The following OPCML variants were observed in gnomAD, a reference collection of about 807,000 sequenced individuals.
OPCML encodes the protein opioid-binding protein/cell adhesion molecule.
In OPCML, 13 loss-of-function variants were observed where a neutral mutation model predicts 37.8. The observed-to-expected ratio is 0.34, with a 90% CI of 0.22 to 0.55. The LOEUF (loss-of-function observed/expected upper bound fraction) is 0.55. Among genes scored for constraint, OPCML ranks in the 20% least tolerant of loss-of-function variants. The pLI is 0.91. For missense variants in OPCML, 341 were observed against 435.6 expected (o/e 0.78, Z 1.93); for synonymous variants, 176 against 168.8 (o/e 1.04, Z -0.33).
At chr11:132,963,973 G>T (rs1330362092) in intron 1 of OPCML, among the ~76,000 whole-genome samples, 1 of 152,140 alleles carries the variant, frequency 6.6e-6, no homozygotes. Flanking sequence ...TCAGGTGAGT[G>T]AATGTATACG....
intron 1 of OPCML, among the ~76,000 whole-genome samples, chr11:133,440,858 G>C (rs1291560748): frequency 2.0e-5 from 3 of 147,336 alleles, no homozygotes; most frequent in African/African-American, 7.5e-5. Context: ...ATTTCTATTA[G>C]AGCTTGGAGC....
At chr11:133,251,020 C>T (rs140961421) in intron 1 of OPCML, among the ~76,000 whole-genome samples, 1,879 of 152,154 alleles carry the variant, frequency 0.012, 22 homozygotes, top group South Asian at 0.028. Context: ...GGGGAGAAGA[C>T]GTTCATTAGA....
At chr11:132,727,839 A>G (rs753933985) in intron 2 of OPCML, among the ~76,000 whole-genome samples, 1 of 152,220 alleles carries the variant, frequency 6.6e-6, no homozygotes, top group Non-Finnish European at 1.5e-5. Context: ...AAAGAAAGCT[A>G]GGTGTAATAT....
chr11:133,457,252 G>A (rs1024556744), intron 1 of OPCML, among the ~76,000 whole-genome samples: 16 of 152,118 alleles, frequency 1.1e-4, no homozygotes, highest in African/African-American at 3.9e-4. Context: ...AAGAATCTAG[G>A]TTGGGTACAG....
intron 1 of OPCML, among the ~76,000 whole-genome samples, chr11:133,154,804 G>A (rs938654277): frequency 2.0e-5 from 3 of 152,164 alleles, no homozygotes; most frequent in Non-Finnish European, 2.9e-5. Flanking sequence ...GAAGAATAGC[G>A]AGGAGGATAG....
intron 1 of OPCML, among the ~76,000 whole-genome samples, chr11:133,375,227 G>A (rs1191058902): frequency 6.6e-6 from 1 of 152,146 alleles, no homozygotes; most frequent in Non-Finnish European, 1.5e-5. Context: ...AACACTTAGC[G>A]AGCACGCATG....
intron 3 of OPCML, among the ~76,000 whole-genome samples, chr11:132,608,601 G>T (rs541932827): frequency 2.0e-5 from 3 of 151,868 alleles, no homozygotes; most frequent in African/African-American, 7.2e-5. Flanking sequence ...TTGTGGAAGA[G>T]AATTAATAAA....
intron 2 of OPCML, among the ~76,000 whole-genome samples, chr11:132,785,474 A>C (rs897290837): frequency 1.3e-5 from 2 of 152,392 alleles, no homozygotes; most frequent in Middle Eastern, 3.4e-3. Flanking sequence ...TAAATGTTGC[A>C]GAAATATTTC....
chr11:133,377,612 G>GAAAAAAAAAAAGAAAAAAAAA (rs1555148304), intron 1 of OPCML, among the ~76,000 whole-genome samples: 1 of 79,088 alleles, frequency 1.3e-5, no homozygotes, highest in Non-Finnish European at 2.3e-5. Context: ...CCAGTATTCA[G>GAAAAAAAAAAAGAAAAAAAAA]AAAAAAAAAA....
In OPCML at chr11:133,198,013, C is replaced by T. The variant is rs999597988; in HGVS notation, c.62-255003G>A. ...TCAACCCAGACAGACGACCTATTTT[C>T]AAGGTACTCCTTCCCCTGTGTAAGG... On this transcript the variant is annotated intron_variant, in intron 1 of 7. Coordinates refer to ENST00000524381, the MANE Select transcript of OPCML (RefSeq NM_001012393.5). Among the ~76,000 whole-genome samples, 6 of 152,174 alleles carry T rather than the reference C, an allele frequency of 3.9e-5. 1 individual carries two copies. In the South Asian group the frequency reaches 1.2e-3, roughly 31 times the overall value.
intron 1 of OPCML, among the ~76,000 whole-genome samples, chr11:133,061,536 A>C (rs1041438262): frequency 6.6e-6 from 1 of 152,164 alleles, no homozygotes; most frequent in Non-Finnish European, 1.5e-5. Context: ...GTTCCAATTG[A>C]GTTTTGATGT....
chr11:133,377,856 T>C (rs1241785501), intron 1 of OPCML, among the ~76,000 whole-genome samples: 1 of 152,172 alleles, frequency 6.6e-6, no homozygotes, highest in East Asian at 1.9e-4. Context: ...AGAGGGAAAA[T>C]GGCCCTGGAG....
In OPCML at chr11:132,707,924, T is replaced by C. The variant is rs564858332; in HGVS notation, c.147-50605A>G. Among the ~76,000 whole-genome samples, 3 of 152,312 alleles carry C rather than the reference T, an allele frequency of 2.0e-5. No individual in the cohort carries two copies. In the South Asian group the frequency reaches 6.2e-4, roughly 32 times the overall value. ...AGTTCATTTGGGTCATATATGACAGTTCTCTCAAATGGAAAAAGAGTGTGT... is the reference window on the plus strand; with the variant it reads ...AGTTCATTTGGGTCATATATGACAGCTCTCTCAAATGGAAAAAGAGTGTGT... On this transcript the variant is annotated intron_variant, in intron 2 of 7. Coordinates refer to ENST00000524381, the MANE Select transcript of OPCML (RefSeq NM_001012393.5).
intron 1 of OPCML, among the ~76,000 whole-genome samples, chr11:133,518,918 C>G (rs1948346351): frequency 6.6e-6 from 1 of 152,116 alleles, no homozygotes; most frequent in Non-Finnish European, 1.5e-5. Flanking sequence ...AACTTGCCCT[C>G]TGGTATGTCA....
chr11:133,218,073 A>C (rs1305300561), intron 1 of OPCML, among the ~76,000 whole-genome samples: 3 of 151,994 alleles, frequency 2.0e-5, no homozygotes, highest in Non-Finnish European at 2.9e-5. Context: ...CAAACAAAAA[A>C]AGAAGTCTTG....
At chr11:132,832,100 A>G (rs964148501) in intron 2 of OPCML, among the ~76,000 whole-genome samples, 8 of 152,008 alleles carry the variant, frequency 5.3e-5, no homozygotes, top group African/African-American at 1.9e-4. Context: ...GTTGAACCAC[A>G]GCCTTCTACC....
At chr11:133,145,098 C>A (rs1949879359) in intron 1 of OPCML, among the ~76,000 whole-genome samples, 1 of 152,152 alleles carries the variant, frequency 6.6e-6, no homozygotes, top group African/African-American at 2.4e-5. Flanking sequence ...TTCATTTAAA[C>A]AAATATGCTT....
rs2096494217 is a variant in OPCML, at chr11:132,597,506, G to A, written c.379+59581C>T. ...GGAATAGCCCCAAACTTTATCAGAT[G>A]CAAGACAAATGAAAGGAAAGATCAC... On this transcript the variant is annotated intron_variant, in intron 3 of 7. Coordinates refer to ENST00000524381, the MANE Select transcript of OPCML (RefSeq NM_001012393.5). Among the ~76,000 whole-genome samples the A allele has an allele frequency of 2.0e-5, 3 of 152,154 alleles. No homozygotes were observed. The South Asian group carries it at 6.2e-4, about 32-fold the overall frequency.
intron 3 of OPCML, among the ~76,000 whole-genome samples, chr11:132,646,331 A>G (rs1043182909): frequency 6.6e-6 from 1 of 152,250 alleles, no homozygotes; most frequent in African/African-American, 2.4e-5. Context: ...TAAAAAAGAA[A>G]TAAAGAAGTA....
Sources: allele counts gnomAD v4.1 joint callset (sites outside exome capture counted in the v4.1 genomes callset), GRCh38; gene constraint gnomAD v4.1.1; transcripts MANE v1.5; gene names NCBI Gene and HGNC (gene_info 2026-07-23, HGNC 2026-07-21).